The following BCAS3 variants were observed in gnomAD, a reference collection of about 807,000 sequenced individuals.
BCAS3 encodes the protein BCAS3 microtubule associated cell migration factor, also known as BCAS4/BCAS3 fusion.
A neutral mutation model predicts 116.1 loss-of-function variants in BCAS3; 53 were observed. That is an observed-to-expected ratio of 0.46 (90% CI 0.37 to 0.57). The LOEUF (loss-of-function observed/expected upper bound fraction) is 0.57, where lower values mean the gene tolerates loss of function less well. Among genes scored for constraint, BCAS3 ranks in the 20% least tolerant of loss-of-function variants. The pLI is 0.00. For missense variants in BCAS3, 917 were observed against 1,165.4 expected (o/e 0.79, Z 3.10); for synonymous variants, 391 against 408.2 (o/e 0.96, Z 0.51).
Position 60,902,608 on chromosome 17 carries a change from T to G in BCAS3, c.739-12T>G. ...AAATGACGTTCTGCTTCTCTCTCTC[T>G]CTTTTTCTCAGTTGATTCGATGTCA... On this transcript the variant is annotated splice_polypyrimidine_tract_variant and intron_variant, in intron 10 of 23. Transcript: ENST00000407086. 6.3e-7 allele frequency: 1 copy of G among 1,594,652 alleles called. No homozygotes were observed.
In BCAS3 at chr17:61,370,781, A is replaced by G. The variant is rs139132527; in HGVS notation, c.2593+2287A>G. On this transcript the variant is annotated intron_variant, in intron 23 of 23. Transcript: ENST00000407086. Reference sequence around the variant, plus strand: ...TGAGAATCACTTTTCACATTTTCCAACTAGAGGTAAAGCATCAGCCTGGTA... The same window carrying G: ...TGAGAATCACTTTTCACATTTTCCAGCTAGAGGTAAAGCATCAGCCTGGTA... 9.1e-4 allele frequency among the ~76,000 whole-genome samples: 139 copies of G among 152,332 alleles called. 1 individual carries two copies. The highest frequency in any genetic ancestry group is 3.2e-3 in the African/African-American group (133 of 41,578).
chr17:60,738,286 G>A (rs931271599), intron 5 of BCAS3, among the ~76,000 whole-genome samples: 3 of 152,194 alleles, frequency 2.0e-5, no homozygotes, highest in Non-Finnish European at 4.4e-5. Context: ...GGATCTGTTC[G>A]TTTCAGATAG....
chr17:61,373,532 C>T (rs925148820), intron 23 of BCAS3, among the ~76,000 whole-genome samples: 5 of 151,332 alleles, frequency 3.3e-5, no homozygotes, highest in African/African-American at 4.9e-5. Context: ...TGGGTTCAAG[C>T]GATTCTCATG....
chr17:60,786,716 T>C, intron 6 of BCAS3, among the ~76,000 whole-genome samples: 1 of 152,178 alleles, frequency 6.6e-6, no homozygotes, highest in East Asian at 1.9e-4. Flanking sequence ...TGTTTGCAGT[T>C]CAGCAATTGA....
chr17:61,262,460 A>C (rs1181522775), intron 22 of BCAS3, among the ~76,000 whole-genome samples: 1 of 151,916 alleles, frequency 6.6e-6, no homozygotes, highest in African/African-American at 2.4e-5. Context: ...CACTCACCAC[A>C]ACCTCCGCCT....
At chr17:60,882,480 C>T (rs1487716028) in intron 9 of BCAS3, among the ~76,000 whole-genome samples, 1 of 151,680 alleles carries the variant, frequency 6.6e-6, no homozygotes, top group African/African-American at 2.4e-5. Context: ...CTTTTGTTGC[C>T]ATTGCTTTTG....
chr17:60,932,767 AG>A lies in BCAS3; in HGVS notation c.1087+8268del, dbSNP rs1257161186. Among the ~76,000 whole-genome samples, 22 of 148,890 alleles carry A rather than the reference AG, an allele frequency of 1.5e-4. No individual in the cohort carries two copies. The East Asian group carries it at 4.1e-3, about 28-fold the overall frequency. ...CAAAAAAAAAAAAAAAAAAAAAAAAAGAATCGTCTCCATCTCTATATATTGG... is the reference window on the plus strand; with the variant it reads ...CAAAAAAAAAAAAAAAAAAAAAAAAAAATCGTCTCCATCTCTATATATTGG... On this transcript the variant is annotated intron_variant, in intron 13 of 23. Coordinates refer to ENST00000407086, the MANE Select transcript of BCAS3 (RefSeq NM_017679.5).
rs932938379 is a variant in BCAS3, at chr17:61,222,724, A to G, written c.2425+138160A>G. On this transcript the variant is annotated intron_variant, in intron 22 of 23. Transcript: ENST00000407086. This position sits in a 1 kb window ranked among gnomAD's most constrained non-coding sequence, Gnocchi z 6.1. ...CATTCAGCAACCAGTGGTCTTGGTC[A>G]AGGTGGGCCATGGCCACTCTGCGAC... is the stretch of plus-strand genomic sequence containing the variant. Among the ~76,000 whole-genome samples, 3 of 152,098 alleles carry G rather than the reference A, an allele frequency of 2.0e-5. No homozygotes were observed. The highest frequency in any genetic ancestry group is 7.2e-5 in the African/African-American group (3 of 41,404).
At chr17:61,035,639 T>G (rs1304151949) in intron 17 of BCAS3, among the ~76,000 whole-genome samples, 1 of 151,430 alleles carries the variant, frequency 6.6e-6, no homozygotes, top group East Asian at 1.9e-4. Context: ...AAGGCTCAGC[T>G]TTTGTGGTTA....
intron 6 of BCAS3, among the ~76,000 whole-genome samples, chr17:60,780,398 G>T (rs1384560116): frequency 6.6e-6 from 1 of 151,472 alleles, no homozygotes; most frequent in Non-Finnish European, 1.5e-5. Flanking sequence ...CACCTCCTGG[G>T]TTCAAGCGAT....
chr17:61,357,463 G>T (rs1440099257), intron 22 of BCAS3, among the ~76,000 whole-genome samples: 108 of 140,502 alleles, frequency 7.7e-4, no homozygotes, highest in Non-Finnish European at 1.0e-3. Context: ...TTTTTTTTTT[G>T]AAACAGAGTC....
intron 22 of BCAS3, among the ~76,000 whole-genome samples, chr17:61,262,045 G>A (rs973678589): frequency 6.6e-6 from 1 of 152,080 alleles, no homozygotes; most frequent in South Asian, 2.1e-4. Context: ...CAGATTAGAG[G>A]AATAAGAATT....
rs145252044 is a variant in BCAS3, at chr17:60,747,136, T to C, written c.322-62T>C. ...TATAAAATTTAGAAGATCTTGTTTTTATATAATACTGTTGTGACCTTCATT... is the reference window on the plus strand; with the variant it reads ...TATAAAATTTAGAAGATCTTGTTTTCATATAATACTGTTGTGACCTTCATT... On this transcript the variant is annotated intron_variant, in intron 5 of 23. Coordinates refer to ENST00000407086, the MANE Select transcript of BCAS3 (RefSeq NM_017679.5). The C allele has an allele frequency of 4.0e-4, 451 of 1,114,508 alleles. 1 individual carries two copies. In the African/African-American group the frequency reaches 6.3e-3, roughly 15 times the overall value. 69.0% of individuals were successfully genotyped at this position (1,114,508 alleles called of 1,614,324 possible). A position where few individuals can be genotyped will look rare whatever the true frequency, so the allele number is the denominator to read the frequency against.
chr17:61,039,772 G>A (rs1215233314), intron 18 of BCAS3, among the ~76,000 whole-genome samples: 1 of 152,094 alleles, frequency 6.6e-6, no homozygotes, highest in East Asian at 1.9e-4. Context: ...GAATACCTCT[G>A]TTTGAACTTA....
intron 7 of BCAS3, among the ~76,000 whole-genome samples, chr17:60,866,670 C>G (rs552826817): frequency 6.6e-6 from 1 of 152,074 alleles, no homozygotes; most frequent in African/African-American, 2.4e-5. Flanking sequence ...CTTTTTAGAT[C>G]GTGAGCTATT....
At chr17:60,916,236 G>C (rs966769296) in intron 12 of BCAS3, among the ~76,000 whole-genome samples, 4 of 152,208 alleles carry the variant, frequency 2.6e-5, no homozygotes, top group Non-Finnish European at 5.9e-5. Context: ...CAAAGTGCCT[G>C]TGCTATTTTA....
rs1294934356 is a variant in BCAS3 at position 61,189,599 on chromosome 17, G to T, written c.2425+105035G>T. 6.6e-6 allele frequency among the ~76,000 whole-genome samples: 1 copy of T among 152,158 alleles called. No homozygotes were observed. Among genetic ancestry groups the T allele is most frequent in the Non-Finnish European group, 1.5e-5 (1 of 68,032 alleles). ...TGTTGACCTGACACCTAGGGCAGGG[G>T]TAAATGGAATCGAAAGGAGAAGAAT... On this transcript the variant is annotated intron_variant, in intron 22 of 23. Coordinates refer to ENST00000407086, the MANE Select transcript of BCAS3 (RefSeq NM_017679.5). This position sits in a 1 kb window ranked among gnomAD's most constrained non-coding sequence, Gnocchi z 4.5.
chr17:61,322,337 C>A (rs1357598344), intron 22 of BCAS3, among the ~76,000 whole-genome samples: 1 of 152,214 alleles, frequency 6.6e-6, no homozygotes, highest in Non-Finnish European at 1.5e-5. Context: ...GGGCTAGGCT[C>A]TGGGAGACTG....
At chr17:61,320,034 C>G (rs1320118305) in intron 22 of BCAS3, among the ~76,000 whole-genome samples, 1 of 151,584 alleles carries the variant, frequency 6.6e-6, no homozygotes, top group Non-Finnish European at 1.5e-5. Flanking sequence ...GGATTACAGG[C>G]TCGTGCCGCC....
Sources: allele counts gnomAD v4.1 joint callset (sites outside exome capture counted in the v4.1 genomes callset), GRCh38; gene constraint gnomAD v4.1.1; non-coding constraint Gnocchi (gnomAD v3.1); transcripts MANE v1.5; gene names NCBI Gene and HGNC (gene_info 2026-07-23, HGNC 2026-07-21).